Variants in NIPSNAP2 observed in about 807,000 individuals in gnomAD.
The protein encoded by NIPSNAP2 is protein NipSnap homolog 2.
Under a neutral mutation model 48.4 loss-of-function variants are expected in NIPSNAP2, and 42 were observed. The ratio of observed to expected loss-of-function variants is 0.87; its 90% CI spans 0.68 to 1.12. NIPSNAP2 has a LOEUF of 1.12. Ranked by LOEUF, NIPSNAP2 falls within the 50% of genes most tolerant of loss-of-function variation. NIPSNAP2 has a pLI of 0.00. For synonymous variants in NIPSNAP2, 158 were observed against 126.6 expected (o/e 1.25, Z -1.67); for missense variants, 314 against 347.3 (o/e 0.90, Z 0.76).
intron 1 of NIPSNAP2, among the ~76,000 whole-genome samples, chr7:55,976,968 A>G (rs1787119040): frequency 1.3e-5 from 2 of 152,210 alleles, no homozygotes; most frequent in South Asian, 4.1e-4. Flanking sequence ...ACTTTCTGAA[A>G]GCATTCACAA....
intron 1 of NIPSNAP2, among the ~76,000 whole-genome samples, chr7:55,971,740 G>T (rs548676700): frequency 1.3e-5 from 2 of 151,950 alleles, no homozygotes; most frequent in Admixed American, 6.6e-5. Flanking sequence ...TATTTCAAAG[G>T]CATCCTTTAT....
intron 1 of NIPSNAP2, among the ~76,000 whole-genome samples, chr7:55,966,486 T>C (rs1376289827): frequency 1.3e-5 from 2 of 152,022 alleles, no homozygotes; most frequent in African/African-American, 4.8e-5. Flanking sequence ...AATGAAACTT[T>C]TTTTAAACCA....
In NIPSNAP2 at chr7:55,998,003, C is replaced by T. The variant is rs371587808; in HGVS notation, c.796+554C>T. ...ACCCAGTGGCATTGGTAGAGGTAAT[C>T]AGTACCAGCCATGTTGCATGGCAAG... On this transcript the variant is annotated intron_variant, in intron 9 of 9. Transcript: ENST00000322090. Among the ~76,000 whole-genome samples, 3 of 152,128 alleles carry T rather than the reference C, an allele frequency of 2.0e-5. No homozygotes were observed. In the South Asian group the frequency reaches 6.2e-4, roughly 32 times the overall value.
Position 55,994,867 on chromosome 7 carries a change from TAAAC to T in NIPSNAP2, c.618-21_618-18del, listed in dbSNP as rs772028250. The T allele has an allele frequency of 4.4e-6, 7 of 1,599,894 alleles. No homozygotes were observed. The Admixed American group carries it at 5.0e-5, about 11-fold the overall frequency. On this transcript the variant is annotated intron_variant, in intron 7 of 9. Transcript: ENST00000322090. Reference sequence around the variant, plus strand: ...CGTTAGCGTATCTAATTCAGTGTCTTAAACAAACATCATCTCATTCTTACAGGGC... The same window carrying T: ...CGTTAGCGTATCTAATTCAGTGTCTTAAACATCATCTCATTCTTACAGGGC...
chr7:55,972,463 A>G lies in NIPSNAP2; in HGVS notation c.93-5663A>G, dbSNP rs1454985061. On this transcript the variant is annotated intron_variant, in intron 1 of 9. Transcript: ENST00000322090. Reference sequence around the variant, plus strand: ...TTTTTTTTTTTTGAGACAGAGTTTCACTCTTGTTGCCCAGGCTGGAGTGTA... The same window carrying G: ...TTTTTTTTTTTTGAGACAGAGTTTCGCTCTTGTTGCCCAGGCTGGAGTGTA... 3.0e-5 allele frequency among the ~76,000 whole-genome samples: 4 copies of G among 133,380 alleles called. No individual in the cohort carries two copies. The Admixed American group carries it at 3.2e-4, about 11-fold the overall frequency. The allele number at this position is 133,380 out of a possible 152,430, so 87.5% of individuals were successfully genotyped here.
intron 1 of NIPSNAP2, among the ~76,000 whole-genome samples, chr7:55,966,369 G>A (rs1786895650): frequency 6.6e-6 from 1 of 152,184 alleles, no homozygotes; most frequent in Admixed American, 6.6e-5. Context: ...CACTTTGGAA[G>A]GTTGCGGCAG....
intron 7 of NIPSNAP2, among the ~76,000 whole-genome samples, chr7:55,994,029 C>T (rs1382022233): frequency 1.3e-5 from 2 of 152,070 alleles, no homozygotes; most frequent in Non-Finnish European, 2.9e-5. Flanking sequence ...CAAGAAGTTG[C>T]AGAGTCCCTT....
At chr7:55,982,410 A>G in intron 5 of NIPSNAP2, 130 bp downstream of exon 5, 2 of 617,188 alleles carry the variant, frequency 3.2e-6, no homozygotes, top group South Asian at 3.9e-5. Flanking sequence ...TATTGTTTGG[A>G]CTCCTGAAGT....
intron 5 of NIPSNAP2, among the ~76,000 whole-genome samples, chr7:55,983,364 C>T (rs1342908737): frequency 6.6e-6 from 1 of 152,176 alleles, no homozygotes; most frequent in Non-Finnish European, 1.5e-5. Flanking sequence ...TATAGATTCC[C>T]AGACAAATAT....
chr7:55,983,370 A>C (rs1384240799), intron 5 of NIPSNAP2, among the ~76,000 whole-genome samples: 1 of 152,222 alleles, frequency 6.6e-6, no homozygotes, highest in African/African-American at 2.4e-5. Flanking sequence ...TTCCCAGACA[A>C]ATATAAATAG....
In NIPSNAP2 at chr7:55,964,637, G is replaced by T. The variant is rs1198291847; in HGVS notation, c.28G>T (p.Gly10Ter). The change falls in exon 1 of 10, where the codon GGA (glycine) becomes TGA (stop). Residue 10 changes from glycine to a stop codon, truncating the protein, a stop_gained. Coordinates refer to ENST00000322090, the MANE Select transcript of NIPSNAP2 (RefSeq NM_001483.3). LOFTEE classifies it high-confidence loss of function. ...GGCGGCGCGAGTGCTGCGCGCCCGC[G>T]GAGCGGCCTGGGCCGGCGGCCTCCT... MAARVLRARGAAWAGGLLQR... is the reference protein window; with the variant it reads MAARVLRAR 1.9e-5 allele frequency: 20 copies of T among 1,076,622 alleles called. No homozygotes were observed. Among genetic ancestry groups the T allele is most frequent in the Non-Finnish European group, 2.0e-5 (18 of 890,002 alleles). The allele number at this position is 1,076,622 out of a possible 1,614,324, so 66.7% of individuals were successfully genotyped here.
At chr7:55,966,310 G>A (rs986164369) in intron 1 of NIPSNAP2, among the ~76,000 whole-genome samples, 1 of 152,074 alleles carries the variant, frequency 6.6e-6, no homozygotes, top group Admixed American at 6.6e-5. Context: ...TTTGATTTAC[G>A]TTTTTCATAA....
intron 7 of NIPSNAP2, among the ~76,000 whole-genome samples, chr7:55,986,094 A>G (rs1787325911): frequency 6.6e-6 from 1 of 152,084 alleles, no homozygotes; most frequent in Non-Finnish European, 1.5e-5. Context: ...ATGATGGCTC[A>G]TGCCTGTAAT....
intron 1 of NIPSNAP2, among the ~76,000 whole-genome samples, chr7:55,970,634 A>C (rs567968908): frequency 5.9e-5 from 9 of 151,828 alleles, no homozygotes; most frequent in Admixed American, 3.9e-4. Context: ...TTTTTTGAAA[A>C]CTTGACAGCA....
In NIPSNAP2 at chr7:55,984,923, ATTAGT is replaced by A. The variant is rs754422475; in HGVS notation, c.617+50_617+54del. ...GTGATTTTTTAAGTCTTGTGAATAG[ATTAGT>A]TTAGGCCATAGTGTTAATTCTAGGG... is the stretch of plus-strand genomic sequence containing the variant. On this transcript the variant is annotated intron_variant, in intron 7 of 9. Transcript: ENST00000322090. 17 of 1,490,136 alleles carry A rather than the reference ATTAGT, an allele frequency of 1.1e-5. No individual in the cohort carries two copies. In the African/African-American group the frequency reaches 1.2e-4, roughly 11 times the overall value. 92.3% of individuals were successfully genotyped at this position (1,490,136 alleles called of 1,614,324 possible).
At chr7:55,970,852 C>A (rs1475351484) in intron 1 of NIPSNAP2, among the ~76,000 whole-genome samples, 1 of 152,108 alleles carries the variant, frequency 6.6e-6, no homozygotes, top group East Asian at 1.9e-4. Flanking sequence ...AGCCAGAGTG[C>A]CCCTACTGGA....
intron 1 of NIPSNAP2, among the ~76,000 whole-genome samples, chr7:55,974,305 G>A (rs975760864): frequency 1.3e-5 from 2 of 150,784 alleles, no homozygotes; most frequent in Admixed American, 6.6e-5. Flanking sequence ...CCAGTATCAT[G>A]TGAAATTTAG....
chr7:55,987,604 G>A (rs1368721359), intron 7 of NIPSNAP2, among the ~76,000 whole-genome samples: 3 of 152,192 alleles, frequency 2.0e-5, no homozygotes, highest in Non-Finnish European at 4.4e-5. Flanking sequence ...CTCCAGCCTG[G>A]CAACAGAGCG....
chr7:55,985,348 C>G (rs1197014767), intron 7 of NIPSNAP2, among the ~76,000 whole-genome samples: 1 of 151,774 alleles, frequency 6.6e-6, no homozygotes, highest in East Asian at 1.9e-4. Context: ...TTCTTTTTTT[C>G]CTTGCTAGTT....
Sources: gnomAD v4.1 joint callset for allele counts (sites outside exome capture counted in the v4.1 genomes callset) on GRCh38, gnomAD v4.1.1 for gene constraint, MANE v1.5 for transcripts, NCBI Gene and HGNC (gene_info 2026-07-23, HGNC 2026-07-21) for gene names.